Variants in CHST3 observed in about 807,000 individuals in gnomAD.
The protein encoded by CHST3 is carbohydrate sulfotransferase 3, also known as C6ST-1.
Under a neutral mutation model 35.4 loss-of-function variants are expected in CHST3, and 20 were observed. The ratio of observed to expected loss-of-function variants is 0.57; its 90% CI spans 0.40 to 0.82. The LOEUF is 0.82. CHST3 is among the 40% of genes least tolerant of loss of function. CHST3 has a pLI of 0.00. For missense variants in CHST3, 693 were observed against 670.1 expected (o/e 1.03, Z -0.38); for synonymous variants, 334 against 295.9 (o/e 1.13, Z -1.32).
At chr10:71,965,622 G>A (rs1839625148) in intron 1 of CHST3, among the ~76,000 whole-genome samples, 1 of 152,204 alleles carries the variant, frequency 6.6e-6, no homozygotes, top group Non-Finnish European at 1.5e-5. Context: ...GATGCGTGGT[G>A]TTGCTGGGCC....
rs1016641500 is a variant in CHST3, at chr10:72,010,633, A to T, written c.*2162A>T. 6.6e-6 allele frequency: 1 copy of T among 152,184 alleles called. No homozygotes were observed. Among genetic ancestry groups the T allele is most frequent in the Non-Finnish European group, 1.5e-5 (1 of 68,050 alleles). 9.4% of individuals were successfully genotyped at this position (152,184 alleles called of 1,614,324 possible). ...TTTTGCTATTTTGCCTGAACACCCC[A>T]ACACTCTTGGTTTTAGAGTCCAAGA... On this transcript the variant is annotated 3_prime_UTR_variant, in exon 3 of 3. Transcript: ENST00000373115.
intron 1 of CHST3, among the ~76,000 whole-genome samples, chr10:71,979,610 G>A (rs915168378): frequency 2.6e-5 from 4 of 152,110 alleles, no homozygotes; most frequent in Admixed American, 1.3e-4. Context: ...TTCCGGTACC[G>A]CCTTCCCTTT....
intron 1 of CHST3, among the ~76,000 whole-genome samples, chr10:71,990,955 G>A (rs938510933): frequency 6.6e-5 from 10 of 152,176 alleles, no homozygotes; most frequent in African/African-American, 2.4e-4. Flanking sequence ...CACAGCAAAG[G>A]CTTGTTTTTT....
rs949097648 is a variant in CHST3, at chr10:72,008,663, C to A, written c.*192C>A. ...CGGAGAACAGGACAGTGCCCGGTCC[C>A]CTTGAGGGCCATCACACCCAGACCC... On this transcript the variant is annotated 3_prime_UTR_variant, in exon 3 of 3. Transcript: ENST00000373115. The A allele has an allele frequency of 8.2e-7, 1 of 1,213,094 alleles. No homozygotes were observed. The highest frequency in any genetic ancestry group is 1.1e-6 in the Non-Finnish European group (1 of 909,398). The allele number at this position is 1,213,094 out of a possible 1,614,324, so 75.1% of individuals were successfully genotyped here.
At position 72,007,943 on chromosome 10, in the gene CHST3, G is replaced by A. The variant is rs1840062310; in HGVS notation, c.912G>A (p.Arg304=). 6.5e-7 allele frequency: 1 copy of A among 1,549,818 alleles called. No homozygotes were observed. The highest frequency in any genetic ancestry group is 8.7e-7 in the Non-Finnish European group (1 of 1,146,770). The change falls in exon 3 of 3, where the codon CGG becomes CGA. Residue 304 remains arginine, a synonymous_variant. Transcript: ENST00000373115. The part of the protein sequence containing the change: ...LRVIQLVRDP[R]AVLASRMVAF... ...TCATCCAGCTGGTGCGCGACCCCCGGGCCGTGCTGGCCTCGCGCATGGTGG... is the reference window on the plus strand; with the variant it reads ...TCATCCAGCTGGTGCGCGACCCCCGAGCCGTGCTGGCCTCGCGCATGGTGG...
intron 1 of CHST3, among the ~76,000 whole-genome samples, chr10:71,998,582 C>T (rs1323070178): frequency 6.6e-6 from 1 of 152,244 alleles, no homozygotes; most frequent in African/African-American, 2.4e-5. Context: ...CCCACAGCCC[C>T]ACTCAGGCAT....
intron 1 of CHST3, among the ~76,000 whole-genome samples, chr10:71,996,276 C>T (rs544604332): frequency 1.3e-5 from 2 of 152,330 alleles, no homozygotes; most frequent in African/African-American, 4.8e-5. Flanking sequence ...GGTTTAAATT[C>T]CTTGCCTAAG....
At chr10:71,977,216 C>T (rs1055804460) in intron 1 of CHST3, among the ~76,000 whole-genome samples, 4 of 152,234 alleles carry the variant, frequency 2.6e-5, no homozygotes, top group Admixed American at 2.6e-4. Context: ...TGAGCAGTCA[C>T]CCACACAGCA....
intron 1 of CHST3, among the ~76,000 whole-genome samples, chr10:71,998,182 G>A (rs1017984825): frequency 5.9e-5 from 9 of 152,192 alleles, no homozygotes; most frequent in Non-Finnish European, 8.8e-5. Flanking sequence ...GAAAAGAATC[G>A]TAACATTATG....
intron 1 of CHST3, among the ~76,000 whole-genome samples, chr10:71,976,241 C>T (rs1417847815): frequency 6.6e-6 from 1 of 152,190 alleles, no homozygotes; most frequent in East Asian, 1.9e-4. Flanking sequence ...ATGCCAACAC[C>T]ACCCTGGTCC....
chr10:71,999,349 G>A (rs1017510904), intron 1 of CHST3, among the ~76,000 whole-genome samples: 1 of 152,212 alleles, frequency 6.6e-6, no homozygotes, highest in Non-Finnish European at 1.5e-5. Flanking sequence ...CAAGGTGGGG[G>A]CAGCCTCCCA....
At position 72,005,796 on chromosome 10, in the gene CHST3, A is replaced by G. The variant is rs1589508294; in HGVS notation, c.-47A>G. 6.2e-7 allele frequency: 1 copy of G among 1,613,464 alleles called. No individual in the cohort carries two copies. Among genetic ancestry groups the G allele is most frequent in the East Asian group, 2.2e-5 (1 of 44,872 alleles). ...GGTCCTGAGTGATGCCCCTCAGCTG[A>G]GTGTCCAAGGCTGGCCCGAGGAGCC... On this transcript the variant is annotated 5_prime_UTR_variant, in exon 2 of 3. It removes the in-frame stop codon of an upstream open reading frame in the 5' UTR. Coordinates refer to ENST00000373115, the MANE Select transcript of CHST3 (RefSeq NM_004273.5).
intron 1 of CHST3, among the ~76,000 whole-genome samples, chr10:71,986,775 C>G (rs1420054539): frequency 6.6e-6 from 1 of 152,188 alleles, no homozygotes. Context: ...CCCTGCAGCC[C>G]AGCATGGGGA....
At chr10:71,996,336 T>A (rs1349037526) in intron 1 of CHST3, among the ~76,000 whole-genome samples, 4 of 152,154 alleles carry the variant, frequency 2.6e-5, no homozygotes. Flanking sequence ...CTGAACGCAC[T>A]CATAGCTACA....
rs10564775 is a variant in CHST3, at chr10:71,996,451, C to CGTGTGT, written c.-107-9267_-107-9262dup. On this transcript the variant is annotated intron_variant, in intron 1 of 2. Coordinates refer to ENST00000373115, the MANE Select transcript of CHST3 (RefSeq NM_004273.5). ...CCCCCCCCCAACGTATGTGTCTCTG[C>CGTGTGT]GTGTGTGTGTGTGTGTGTGTGTGCA... Among the ~76,000 whole-genome samples the CGTGTGT allele has an allele frequency of 2.1e-3, 303 of 146,486 alleles. 1 individual carries two copies. Among genetic ancestry groups the CGTGTGT allele is most frequent in the East Asian group, 0.018 (91 of 5,010 alleles).
At chr10:71,976,096 C>A (rs1298776235) in intron 1 of CHST3, among the ~76,000 whole-genome samples, 1 of 152,236 alleles carries the variant, frequency 6.6e-6, no homozygotes, top group East Asian at 1.9e-4. Flanking sequence ...GCTTGCACTT[C>A]TGATTCATTC....
intron 1 of CHST3, among the ~76,000 whole-genome samples, chr10:71,997,137 C>G (rs78081749): frequency 1.5e-3 from 229 of 152,188 alleles, no homozygotes; most frequent in African/African-American, 4.9e-3. Flanking sequence ...TGTTGGGTAA[C>G]CCTCCCCACT....
chr10:71,995,139 T>C (rs766057252), intron 1 of CHST3, among the ~76,000 whole-genome samples: 2 of 152,122 alleles, frequency 1.3e-5, no homozygotes, highest in Non-Finnish European at 2.9e-5. Flanking sequence ...TCAAGAACTT[T>C]TCCAGCCGGG....
intron 1 of CHST3, among the ~76,000 whole-genome samples, chr10:71,999,051 G>A (rs1589505799): frequency 6.6e-6 from 1 of 152,188 alleles, no homozygotes; most frequent in East Asian, 1.9e-4. Context: ...CTCCTGATTG[G>A]GTGGCCTTGG....
Sources: allele counts gnomAD v4.1 joint callset (sites outside exome capture counted in the v4.1 genomes callset), GRCh38; gene constraint gnomAD v4.1.1; transcripts MANE v1.5; gene names NCBI Gene and HGNC (gene_info 2026-07-23, HGNC 2026-07-21).